CYFIP1: variants seen among roughly 807,000 people sequenced by gnomAD.
The protein encoded by CYFIP1 is cytoplasmic FMR1-interacting protein 1.
A neutral mutation model predicts 163.5 loss-of-function variants in CYFIP1; 58 were observed. The ratio of observed to expected loss-of-function variants is 0.35; its 90% CI spans 0.29 to 0.44. The LOEUF (loss-of-function observed/expected upper bound fraction) is 0.44, where lower values mean the gene tolerates loss of function less well. Among genes scored for constraint, CYFIP1 ranks in the 20% least tolerant of loss-of-function variants. CYFIP1 has a pLI of 1.00. For missense variants in CYFIP1, 1,338 were observed against 1,653.8 expected (o/e 0.81, Z 3.31); for synonymous variants, 663 against 660.7 (o/e 1.00, Z -0.05).
At chr15:22,959,801 C>T (rs2062613302) in intron 1 of CYFIP1, among the ~76,000 whole-genome samples, 1 of 152,204 alleles carries the variant, frequency 6.6e-6, no homozygotes, top group South Asian at 2.1e-4. Flanking sequence ...TCCCCACCAG[C>T]CTCTCAGGTT....
intron 22 of CYFIP1, among the ~76,000 whole-genome samples, chr15:22,900,641 C>T (rs910379842): frequency 1.3e-4 from 19 of 151,682 alleles, no homozygotes; most frequent in African/African-American, 4.6e-4. Context: ...ACCTCAGGAT[C>T]TGCCCGCCTC....
rs558382116 is a variant in CYFIP1, at chr15:22,970,776, T to C, written c.-7+9511A>G. ...TATGTTGGACCATTACCTTATATAA[T>C]ATACAGAAAAGTTAATTTGGCCTGG... On this transcript the variant is annotated intron_variant, in intron 1 of 30. Transcript: ENST00000617928. Among the ~76,000 whole-genome samples, 9 of 152,254 alleles carry C rather than the reference T, an allele frequency of 5.9e-5. No individual in the cohort carries two copies. In the South Asian group the frequency reaches 1.9e-3, roughly 32 times the overall value.
rs185661981 is a variant in CYFIP1 at position 22,913,272 on chromosome 15, T to G, written c.1986-997A>C. Among the ~76,000 whole-genome samples the G allele has an allele frequency of 4.3e-3, 649 of 151,102 alleles. 7 individuals are homozygous for G. Among genetic ancestry groups the G allele is most frequent in the African/African-American group, 0.015 (612 of 41,182 alleles). On this transcript the variant is annotated intron_variant, in intron 17 of 30. Coordinates refer to ENST00000617928, the MANE Select transcript of CYFIP1 (RefSeq NM_014608.6). ...GACTGGGCGCGGTGACTCATGCCTG[T>G]AATCCCAGCACTTTGGGAGGCCGAG...
At chr15:22,929,631 C>CAAAAAAAAAAAA (rs35408380) in intron 11 of CYFIP1, among the ~76,000 whole-genome samples, 7 of 42,264 alleles carry the variant, frequency 1.7e-4, no homozygotes, top group African/African-American at 7.8e-4. Context: ...GACTCTGTCT[C>CAAAAAAAAAAAA]AAAAAAAAAA....
At chr15:22,918,640 T>C in intron 14 of CYFIP1, 52 bp downstream of exon 14, 1 of 1,463,664 alleles carries the variant, frequency 6.8e-7, no homozygotes, top group Non-Finnish European at 9.1e-7. Context: ...TGAATCCAAG[T>C]TCATCCGAGG....
intron 21 of CYFIP1, among the ~76,000 whole-genome samples, chr15:22,906,007 C>T (rs980333941): frequency 1.3e-5 from 2 of 152,124 alleles, no homozygotes; most frequent in Non-Finnish European, 2.9e-5. Flanking sequence ...GATCTGCCTG[C>T]CTCAGTCTCC....
At chr15:22,943,071 TGAC>T in intron 6 of CYFIP1, 99 bp downstream of exon 6, 1 of 1,134,036 alleles carries the variant, frequency 8.8e-7, no homozygotes, top group Middle Eastern at 2.9e-4. Context: ...CTACCAGAAG[TGAC>T]GACTTCAGCA....
chr15:22,900,429 C>T (rs1480754660), intron 22 of CYFIP1, among the ~76,000 whole-genome samples: 1 of 147,094 alleles, frequency 6.8e-6, no homozygotes, highest in East Asian at 2.0e-4. Flanking sequence ...GACGGAGTCT[C>T]ACTCTGTCGC....
chr15:22,875,176 C>A (rs762998475), intron 27 of CYFIP1, 23 bp downstream of exon 27: 62 of 1,612,732 alleles, frequency 3.8e-5, no homozygotes, highest in Non-Finnish European at 5.0e-5. Context: ...TCTGGACTCC[C>A]TGGTGGGGGT....
At chr15:22,939,359 G>A (rs765620681) in intron 7 of CYFIP1, 39 bp from the exon 8 acceptor site, 13 of 1,614,042 alleles carry the variant, frequency 8.1e-6, no homozygotes, top group South Asian at 2.2e-5. Flanking sequence ...TGGGCCCGGC[G>A]CCCGGCCGGC....
chr15:22,927,827 G>A (rs1240798479), intron 12 of CYFIP1, 79 bp downstream of exon 12: 7 of 1,434,728 alleles, frequency 4.9e-6, no homozygotes, highest in Admixed American at 3.3e-5. Context: ...AAGATAAAAA[G>A]CCCAAAGACC....
intron 1 of CYFIP1, among the ~76,000 whole-genome samples, chr15:22,970,439 C>G (rs1490888264): frequency 6.6e-6 from 1 of 152,074 alleles, no homozygotes; most frequent in Non-Finnish European, 1.5e-5. Flanking sequence ...CAAAAATAAC[C>G]CATTTTAAAA....
In CYFIP1 at chr15:22,957,486, A is replaced by G. The variant is rs568443844; in HGVS notation, c.-6-10195T>C. Among the ~76,000 whole-genome samples the G allele has an allele frequency of 4.5e-4, 68 of 152,286 alleles. No individual in the cohort carries two copies. In the East Asian group the frequency reaches 0.011, roughly 25 times the overall value. On this transcript the variant is annotated intron_variant, in intron 1 of 30. Transcript: ENST00000617928. Reference sequence around the variant, plus strand: ...CCCACCTCTACTAAAAATACAAAAAATTAGCCAGGCATGGTGGCGGGCGCC... The same window carrying G: ...CCCACCTCTACTAAAAATACAAAAAGTTAGCCAGGCATGGTGGCGGGCGCC...
rs535330738 is a variant in CYFIP1, at chr15:22,906,768, A to G, written c.2388+2426T>C. Among the ~76,000 whole-genome samples the G allele has an allele frequency of 1.6e-4, 25 of 152,296 alleles. No homozygotes were observed. In the South Asian group the frequency reaches 5.0e-3, roughly 30 times the overall value. ...CCGTGAGCCACAGCGCCCGGCCAGC[A>G]ACTACTACTTTCTTCATTTCTTTTA... On this transcript the variant is annotated intron_variant, in intron 21 of 30. Coordinates refer to ENST00000617928, the MANE Select transcript of CYFIP1 (RefSeq NM_014608.6).
intron 22 of CYFIP1, among the ~76,000 whole-genome samples, 158 bp from the exon 23 acceptor site, chr15:22,893,135 G>A (rs1420920992): frequency 4.6e-5 from 7 of 152,260 alleles, no homozygotes; most frequent in African/African-American, 1.4e-4. Flanking sequence ...ACCATAGAAC[G>A]AATGAGATCT....
intron 12 of CYFIP1, 91 bp from the exon 13 acceptor site, chr15:22,926,198 C>T (rs1566981100): frequency 6.4e-7 from 1 of 1,571,434 alleles, no homozygotes; most frequent in Non-Finnish European, 8.7e-7. Context: ...CAAAGCCAGG[C>T]CAGCCTTCAA....
intron 26 of CYFIP1, among the ~76,000 whole-genome samples, chr15:22,877,874 G>C (rs201382633): frequency 6.6e-6 from 1 of 152,246 alleles, no homozygotes; most frequent in South Asian, 2.1e-4. Context: ...GCTCCCAGGC[G>C]TGTCACGCCT....
At chr15:22,926,169 T>G in intron 12 of CYFIP1, 62 bp from the exon 13 acceptor site, 2 of 1,604,326 alleles carry the variant, frequency 1.2e-6, no homozygotes, top group Non-Finnish European at 1.7e-6. Context: ...GCTTCTGGTC[T>G]GACTCACACG....
chr15:22,883,158 A>AC, intron 23 of CYFIP1, 147 bp from the exon 24 acceptor site: 1 of 848,100 alleles, frequency 1.2e-6, no homozygotes, highest in Non-Finnish European at 1.7e-6. Context: ...CTTAACTGGT[A>AC]CAGTTACAAA....
Sources: gnomAD v4.1 joint callset for allele counts (sites outside exome capture counted in the v4.1 genomes callset) on GRCh38, gnomAD v4.1.1 for gene constraint, MANE v1.5 for transcripts, NCBI Gene and HGNC (gene_info 2026-07-23, HGNC 2026-07-21) for gene names.